TBC1D5: variants seen among roughly 807,000 people sequenced by gnomAD.
The protein encoded by TBC1D5 is TBC1 domain family, member 5.
TBC1D5 carries 75 observed loss-of-function variants against 100.3 expected under a neutral mutation model. The observed-to-expected ratio is 0.75, with a 90% CI of 0.62 to 0.91. TBC1D5 has a LOEUF of 0.91. Ranked by LOEUF, TBC1D5 falls within the 40% of genes least tolerant of loss-of-function variation. The pLI, the probability that TBC1D5 is intolerant of heterozygous loss-of-function variation, is 0.00. For synonymous variants in TBC1D5, 323 were observed against 325.6 expected (o/e 0.99, Z 0.09); for missense variants, 910 against 942.4 (o/e 0.97, Z 0.45).
At chr3:17,427,396 C>T (rs1042710417) in intron 4 of TBC1D5, among the ~76,000 whole-genome samples, 63 of 151,934 alleles carry the variant, frequency 4.1e-4, no homozygotes, top group African/African-American at 1.3e-3. Context: ...TGTCAAGTGC[C>T]TCCTGTATAA....
intron 14 of TBC1D5, among the ~76,000 whole-genome samples, chr3:17,305,474 G>C (rs758185053): frequency 2.2e-4 from 33 of 152,114 alleles, no homozygotes; most frequent in Non-Finnish European, 1.0e-4. Flanking sequence ...TTGATATATA[G>C]TCACCCTATT....
intron 2 of TBC1D5, among the ~76,000 whole-genome samples, chr3:17,591,055 T>C (rs1018775563): frequency 6.6e-6 from 1 of 151,418 alleles, no homozygotes; most frequent in Admixed American, 6.6e-5. Flanking sequence ...GCTAACACGG[T>C]GAAACTCCGT....
intron 12 of TBC1D5, among the ~76,000 whole-genome samples, chr3:17,373,514 T>C (rs1282825085): frequency 1.3e-5 from 2 of 152,156 alleles, no homozygotes; most frequent in Non-Finnish European, 2.9e-5. Context: ...ATTCCACTTC[T>C]AGGTATATAA....
At position 17,537,512 on chromosome 3, in the gene TBC1D5, G is replaced by A. The variant is rs552470834; in HGVS notation, c.-35-28907C>T. Among the ~76,000 whole-genome samples, 64 of 152,146 alleles carry A rather than the reference G, an allele frequency of 4.2e-4. No homozygotes were observed. In the East Asian group the frequency reaches 9.1e-3, roughly 22 times the overall value. On this transcript the variant is annotated intron_variant, in intron 2 of 21. Transcript: ENST00000253692. ...AGGGGGTCTGTTCTGTCAGTTGGGG[G>A]GCTCAGGATTTTATTTTTGGTTTAT...
chr3:17,573,239 T>A (rs1007821574), intron 2 of TBC1D5, among the ~76,000 whole-genome samples: 1 of 152,076 alleles, frequency 6.6e-6, no homozygotes, highest in East Asian at 1.9e-4. Flanking sequence ...TCTTCTCAGA[T>A]GCAACCAACT....
At chr3:17,711,363 A>T (rs1460744806) in intron 1 of TBC1D5, among the ~76,000 whole-genome samples, 1 of 152,214 alleles carries the variant, frequency 6.6e-6, no homozygotes, top group Non-Finnish European at 1.5e-5. Flanking sequence ...CAAAGCATAA[A>T]AATAATATGA....
At chr3:17,172,587 G>T (rs1354405617) in intron 19 of TBC1D5, among the ~76,000 whole-genome samples, 1 of 152,122 alleles carries the variant, frequency 6.6e-6, no homozygotes, top group Non-Finnish European at 1.5e-5. Context: ...AAATGTTGGA[G>T]CACTGAAACT....
At chr3:17,389,419 C>CA (rs1559781922) in intron 8 of TBC1D5, among the ~76,000 whole-genome samples, 4 of 152,048 alleles carry the variant, frequency 2.6e-5, no homozygotes, top group Admixed American at 2.6e-4. Flanking sequence ...ACCAGTTTCT[C>CA]AAAAAATAAA....
At chr3:17,723,776 CGGT>C (rs1469641410) in intron 1 of TBC1D5, among the ~76,000 whole-genome samples, 1 of 151,900 alleles carries the variant, frequency 6.6e-6, no homozygotes, top group Admixed American at 6.6e-5. Flanking sequence ...TTTATATTGT[CGGT>C]GGGGCTTGCA....
At chr3:17,379,399 G>A (rs997825109) in intron 9 of TBC1D5, among the ~76,000 whole-genome samples, 10 of 151,944 alleles carry the variant, frequency 6.6e-5, no homozygotes, top group African/African-American at 2.4e-4. Context: ...AGTTTAATAA[G>A]AGTTCTTGTC....
intron 3 of TBC1D5, among the ~76,000 whole-genome samples, chr3:17,505,006 A>G (rs1245891301): frequency 6.6e-6 from 1 of 152,234 alleles, no homozygotes; most frequent in Non-Finnish European, 1.5e-5. Flanking sequence ...GAAAAAAACA[A>G]AATTATAGGA....
chr3:17,499,618 C>T (rs1477581079), intron 3 of TBC1D5, among the ~76,000 whole-genome samples: 4 of 147,724 alleles, frequency 2.7e-5, no homozygotes, highest in Non-Finnish European at 5.9e-5. Context: ...TCATCTGAAC[C>T]CTGCCAGGTC....
intron 10 of TBC1D5, 36 bp from the exon 11 acceptor site, chr3:17,374,715 T>A: frequency 6.3e-7 from 1 of 1,598,906 alleles, no homozygotes; most frequent in East Asian, 2.2e-5. Flanking sequence ...AAATGTGTAA[T>A]TTTTGAATAA....
chr3:17,386,938 A>G (rs1349333200), intron 8 of TBC1D5, among the ~76,000 whole-genome samples: 1 of 152,148 alleles, frequency 6.6e-6, no homozygotes, highest in East Asian at 1.9e-4. Flanking sequence ...TAAATTGTCT[A>G]CTTTTAGCAA....
rs558775626 is a variant in TBC1D5, at chr3:17,615,197, TG to T, written c.-36+8651del. ...GTGATGAATTACTTTTATTGACTTG[TG>T]TATGTTGAACCAGCCTTGCAACCCA... is the stretch of plus-strand genomic sequence containing the variant. On this transcript the variant is annotated intron_variant, in intron 2 of 21. Transcript: ENST00000253692. 1.0e-3 allele frequency among the ~76,000 whole-genome samples: 155 copies of T among 152,282 alleles called. 2 individuals carry two copies. In the South Asian group the frequency reaches 0.018, roughly 18 times the overall value.
At chr3:17,337,575 A>C (rs936087463) in intron 13 of TBC1D5, 1 of 152,180 alleles carries the variant, frequency 6.6e-6, no homozygotes. Context: ...CTTGTGTCAC[A>C]GTACCTCCAG....
chr3:17,717,670 A>C (rs1000564776), intron 1 of TBC1D5, among the ~76,000 whole-genome samples: 2 of 152,158 alleles, frequency 1.3e-5, no homozygotes, highest in African/African-American at 2.4e-5. Flanking sequence ...AGTTATTTAT[A>C]ATCTAAGCCT....
intron 1 of TBC1D5, among the ~76,000 whole-genome samples, chr3:17,694,363 A>C (rs528082196): frequency 6.6e-6 from 1 of 152,346 alleles, no homozygotes; most frequent in South Asian, 2.1e-4. Context: ...ATGTTAGATG[A>C]ATGGCTAACT....
chr3:17,488,316 T>A (rs2095596214), intron 3 of TBC1D5, among the ~76,000 whole-genome samples: 1 of 152,234 alleles, frequency 6.6e-6, no homozygotes, highest in Non-Finnish European at 1.5e-5. Context: ...GATAACTTAT[T>A]CTTTTTATCA....
Sources: allele counts gnomAD v4.1 joint callset (sites outside exome capture counted in the v4.1 genomes callset), GRCh38; gene constraint gnomAD v4.1.1; transcripts MANE v1.5; gene names NCBI Gene and HGNC (gene_info 2026-07-23, HGNC 2026-07-21).